Variants in METTL21A observed in about 807,000 individuals in gnomAD.
METTL21A encodes methyltransferase 21A, HSPA lysine.
METTL21A carries 22 observed loss-of-function variants against 20.9 expected under a neutral mutation model. The ratio of observed to expected loss-of-function variants is 1.05; its 90% CI spans 0.75 to 1.50. METTL21A has a LOEUF of 1.50. Among genes scored for constraint, METTL21A ranks in the 40% most tolerant of loss-of-function variants. The pLI is 0.00. For missense variants in METTL21A, 271 were observed against 266.8 expected (o/e 1.02, Z -0.11); for synonymous variants, 93 against 102.0 (o/e 0.91, Z 0.53).
At chr2:207,614,819 T>C (rs1445453616) in intron 3 of METTL21A, among the ~76,000 whole-genome samples, 2 of 152,234 alleles carry the variant, frequency 1.3e-5, no homozygotes, top group Non-Finnish European at 2.9e-5. Context: ...TGTAGTACTC[T>C]TTACTTCTGA....
chr2:207,581,438 A>G (rs868486069), downstream of METTL21A: 1 of 201,594 alleles, frequency 5.0e-6, no homozygotes, highest in Non-Finnish European at 1.0e-5. Flanking sequence ...TTACATTACT[A>G]TCAGGTTTTT....
At chr2:207,621,942 C>T (rs371054368) in intron 2 of METTL21A, 25 bp from the exon 3 acceptor site, 33 of 1,598,248 alleles carry the variant, frequency 2.1e-5, no homozygotes, top group East Asian at 2.2e-5. Context: ...AGTGTGATGA[C>T]GATTAAGGTC....
At chr2:207,610,967 T>G (rs1369760949), downstream of METTL21A, 1 of 5,188 alleles carries the variant, frequency 1.9e-4, no homozygotes, top group African/African-American at 6.0e-4. Context: ...GGGAGGGAGG[T>G]GGGGGGGTCA....
intron 3 of METTL21A, chr2:207,597,828 A>C (rs2086416670): frequency 5.2e-6 from 1 of 193,314 alleles, no homozygotes; most frequent in Non-Finnish European, 1.1e-5. Flanking sequence ...AAATTAAAGC[A>C]AAGTAAATAA....
chr2:207,603,191 T>A (rs1478654408), intron 3 of METTL21A: 1 of 214,596 alleles, frequency 4.7e-6, no homozygotes, highest in Admixed American at 5.8e-5. Context: ...TTTTTGTGCT[T>A]TATGTGTAAA....
chr2:207,600,625 T>TG, intron 3 of METTL21A: 1 of 212,218 alleles, frequency 4.7e-6, no homozygotes, highest in Non-Finnish European at 9.5e-6. Context: ...AAAATCATCC[T>TG]GGGGGAGGAA....
chr2:207,601,876 C>T (rs1249977097), intron 3 of METTL21A: 3 of 215,456 alleles, frequency 1.4e-5, no homozygotes, highest in East Asian at 1.4e-4. Context: ...GGCTTACATA[C>T]ATCTTGAATA....
At chr2:207,584,567 A>G (rs2083479914) in intron 3 of METTL21A, among the ~76,000 whole-genome samples, 1 of 151,840 alleles carries the variant, frequency 6.6e-6, no homozygotes, top group African/African-American at 2.4e-5. Flanking sequence ...ACCACGTCTG[A>G]TTTTTTGTAT....
At chr2:207,616,356 T>A (rs1480555800) in intron 3 of METTL21A, among the ~76,000 whole-genome samples, 1 of 152,268 alleles carries the variant, frequency 6.6e-6, no homozygotes, top group African/African-American at 2.4e-5. Flanking sequence ...CTCTAATGCC[T>A]GTCCCAGGCA....
intron 3 of METTL21A, among the ~76,000 whole-genome samples, chr2:207,592,911 C>CAAAAAAGAAAAAAAAAAGGAA (rs146008919): frequency 6.9e-6 from 1 of 145,122 alleles, no homozygotes; most frequent in Admixed American, 6.9e-5. Flanking sequence ...GACTCCATCT[C>CAAAAAAGAAAAAAAAAAGGAA]AAAAAAGAAA....
At chr2:207,624,629 C>G (rs1234579666) in intron 1 of METTL21A, 3 of 361,346 alleles carry the variant, frequency 8.3e-6, no homozygotes, top group African/African-American at 4.3e-5. Flanking sequence ...AAAAAAAAAG[C>G]CCAGAACATT....
chr2:207,623,635 T>C (rs1223820117), intron 2 of METTL21A, among the ~76,000 whole-genome samples: 1 of 152,194 alleles, frequency 6.6e-6, no homozygotes, highest in East Asian at 1.9e-4. Flanking sequence ...GTGGATCACT[T>C]GAGGTCAGGA....
chr2:207,620,711 A>T (rs1395754974), intron 3 of METTL21A: 2 of 1,531,636 alleles, frequency 1.3e-6, no homozygotes, highest in Non-Finnish European at 1.7e-6. Flanking sequence ...TTGAAGACGG[A>T]CGGAAACCTC....
At chr2:207,605,602 T>C (rs958578784), downstream of METTL21A, among the ~76,000 whole-genome samples, 8 of 152,358 alleles carry the variant, frequency 5.3e-5, no homozygotes, top group African/African-American at 1.9e-4. Flanking sequence ...TCTGTGCATA[T>C]ATACACAAAT....
intron 3 of METTL21A, chr2:207,600,580 A>G: frequency 4.7e-6 from 1 of 212,354 alleles, no homozygotes. Context: ...GAACATTTTG[A>G]AGATAGCTTT....
intron 3 of METTL21A, chr2:207,620,513 T>C: frequency 4.6e-6 from 2 of 438,654 alleles, no homozygotes; most frequent in Middle Eastern, 3.7e-4. Context: ...ACAAGCCTGG[T>C]TTTGAGTCCC....
rs2090845045 is a variant in METTL21A at position 207,624,221 on chromosome 2, T to C, written c.147+8A>G. 2 of 1,595,650 alleles carry C rather than the reference T, an allele frequency of 1.3e-6. No individual in the cohort carries two copies. The highest frequency in any genetic ancestry group is 1.7e-6 in the Non-Finnish European group (2 of 1,172,396). The stretch of plus-strand genomic sequence containing the variant: ...AACGTTTTCAGAGGTCCCCCAGGGC[T>C]TACTTACCGCATCCCAAACCACCGC... On this transcript the variant is annotated splice_region_variant and intron_variant, in intron 2 of 3. Coordinates refer to ENST00000406927, the Ensembl canonical transcript of METTL21A.
At chr2:207,623,933 T>G (rs2090808956) in intron 2 of METTL21A, among the ~76,000 whole-genome samples, 1 of 152,232 alleles carries the variant, frequency 6.6e-6, no homozygotes, top group Non-Finnish European at 1.5e-5. Flanking sequence ...TTAACTTTCC[T>G]CAGCTTTCAT....
chr2:207,623,900 T>C (rs1295709011), intron 2 of METTL21A, among the ~76,000 whole-genome samples: 1 of 152,160 alleles, frequency 6.6e-6, no homozygotes, highest in African/African-American at 2.4e-5. Flanking sequence ...GGGGCTTTCC[T>C]TCCTATCCTC....
Sources: allele counts gnomAD v4.1 joint callset (sites outside exome capture counted in the v4.1 genomes callset), GRCh38; gene constraint gnomAD v4.1.1; transcripts MANE v1.5; gene names NCBI Gene and HGNC (gene_info 2026-07-23, HGNC 2026-07-21).